Variants in PDLIM5 observed in about 807,000 individuals in gnomAD.
PDLIM5 encodes PDZ and LIM domain protein 5.
PDLIM5 carries 34 observed loss-of-function variants against 64.2 expected under a neutral mutation model. The observed-to-expected ratio is 0.53, with a 90% CI of 0.40 to 0.71. The LOEUF is 0.71. Ranked by LOEUF, PDLIM5 falls within the 30% of genes least tolerant of loss-of-function variation. The probability of loss-of-function intolerance (pLI) is 0.00; values close to 1 mark genes in which losing one functional copy is unlikely to be tolerated. For missense variants in PDLIM5, 683 were observed against 733.6 expected (o/e 0.93, Z 0.80); for synonymous variants, 253 against 269.1 (o/e 0.94, Z 0.59).
chr4:94,465,648 C>G (rs908018828), intron 2 of PDLIM5, among the ~76,000 whole-genome samples: 5 of 152,082 alleles, frequency 3.3e-5, no homozygotes, highest in Admixed American at 1.3e-4. Flanking sequence ...TGACTCCCGC[C>G]TCAGCTTATC....
At chr4:94,546,131 C>A (rs1205590185) in intron 3 of PDLIM5, among the ~76,000 whole-genome samples, 1 of 152,098 alleles carries the variant, frequency 6.6e-6, no homozygotes, top group South Asian at 2.1e-4. Flanking sequence ...TTTGTTTTGA[C>A]CATTTATGAT....
intron 7 of PDLIM5, among the ~76,000 whole-genome samples, chr4:94,597,868 G>A (rs1173859966): frequency 1.3e-5 from 2 of 152,258 alleles, no homozygotes; most frequent in South Asian, 4.1e-4. Context: ...GAAAAGCATG[G>A]CTAGTGAGCA....
chr4:94,650,815 C>G (rs868458143), intron 9 of PDLIM5, among the ~76,000 whole-genome samples: 5 of 151,660 alleles, frequency 3.3e-5, no homozygotes, highest in Admixed American at 6.6e-5. Flanking sequence ...TTCTTCCCCC[C>G]ACATGCCCCG....
At chr4:94,476,140 G>T (rs1725302890) in intron 2 of PDLIM5, among the ~76,000 whole-genome samples, 1 of 152,124 alleles carries the variant, frequency 6.6e-6, no homozygotes, top group South Asian at 2.1e-4. Flanking sequence ...GGATGCACTT[G>T]ATAATTTAGT....
chr4:94,540,118 A>G (rs942357392), intron 3 of PDLIM5, among the ~76,000 whole-genome samples: 1 of 149,900 alleles, frequency 6.7e-6, no homozygotes, highest in Non-Finnish European at 1.5e-5. Flanking sequence ...TGAGGCATAG[A>G]TGCTACTATT....
intron 8 of PDLIM5, among the ~76,000 whole-genome samples, chr4:94,627,120 C>A (rs1024110674): frequency 1.3e-5 from 2 of 152,124 alleles, no homozygotes; most frequent in Non-Finnish European, 2.9e-5. Flanking sequence ...TGTTTTATTG[C>A]CATCTGCTCC....
chr4:94,556,374 A>C (rs1387518049), intron 3 of PDLIM5, among the ~76,000 whole-genome samples: 1 of 152,136 alleles, frequency 6.6e-6, no homozygotes, highest in Non-Finnish European at 1.5e-5. Flanking sequence ...ATAGGTGTGC[A>C]TGTGTCTTTA....
intron 2 of PDLIM5, 23 bp downstream of exon 2, chr4:94,455,407 A>G (rs746380079): frequency 1.2e-5 from 17 of 1,427,080 alleles, no homozygotes; most frequent in African/African-American, 1.4e-5. Context: ...TACAAATTTT[A>G]TTATAGATGT....
intron 1 of PDLIM5, among the ~76,000 whole-genome samples, chr4:94,453,851 C>G (rs377703425): frequency 1.2e-4 from 19 of 152,258 alleles, no homozygotes; most frequent in African/African-American, 4.6e-4. Context: ...TACTTCATTA[C>G]TGAAGTAATG....
intron 3 of PDLIM5, among the ~76,000 whole-genome samples, chr4:94,530,854 C>T (rs1489963907): frequency 6.6e-6 from 1 of 152,096 alleles, no homozygotes; most frequent in Non-Finnish European, 1.5e-5. Flanking sequence ...AGCTGTTGTA[C>T]CAGACTGAAG....
intron 2 of PDLIM5, chr4:94,455,854 A>C: frequency 7.2e-7 from 1 of 1,385,924 alleles, no homozygotes; most frequent in Non-Finnish European, 9.9e-7. Context: ...CAACAGTAAG[A>C]TGGCCAAAAG....
intron 2 of PDLIM5, among the ~76,000 whole-genome samples, chr4:94,493,480 T>G (rs1343069494): frequency 6.6e-6 from 1 of 152,086 alleles, no homozygotes; most frequent in Non-Finnish European, 1.5e-5. Flanking sequence ...TTGGATAAAT[T>G]TTTAAAAATT....
chr4:94,493,945 C>T (rs920526531), intron 2 of PDLIM5, among the ~76,000 whole-genome samples: 3 of 152,040 alleles, frequency 2.0e-5, no homozygotes, highest in Admixed American at 1.3e-4. Context: ...ATACATGTTC[C>T]TCCTGTATTG....
intron 5 of PDLIM5, among the ~76,000 whole-genome samples, chr4:94,580,264 T>C (rs1222931150): frequency 6.6e-6 from 1 of 152,156 alleles, no homozygotes; most frequent in Admixed American, 6.5e-5. Flanking sequence ...ATTCTGAACG[T>C]GTACTAAAAG....
At chr4:94,551,873 G>A (rs17394030) in intron 3 of PDLIM5, among the ~76,000 whole-genome samples, 6,639 of 152,280 alleles carry the variant, frequency 0.044, 227 homozygotes, top group Non-Finnish European at 0.07. Context: ...ATGATATGGA[G>A]AAGTGGAAGA....
chr4:94,628,228 G>T (rs1224852340), intron 8 of PDLIM5, among the ~76,000 whole-genome samples: 1 of 152,174 alleles, frequency 6.6e-6, no homozygotes, highest in African/African-American at 2.4e-5. Context: ...CCCAGAACTA[G>T]GAGCCTATGT....
intron 7 of PDLIM5, among the ~76,000 whole-genome samples, chr4:94,594,499 C>T (rs553003484): frequency 6.6e-6 from 1 of 151,828 alleles, no homozygotes; most frequent in Non-Finnish European, 1.5e-5. Context: ...TTATCAGTAA[C>T]TATTAATAAT....
chr4:94,650,831 T>C (rs1303116541), intron 9 of PDLIM5, among the ~76,000 whole-genome samples: 1 of 149,484 alleles, frequency 6.7e-6, no homozygotes, highest in Non-Finnish European at 1.5e-5. Flanking sequence ...CCCCGCCTTT[T>C]TGGATAGGTC....
At chr4:94,564,695 TC>T (rs1734154510) in intron 3 of PDLIM5, among the ~76,000 whole-genome samples, 1 of 147,318 alleles carries the variant, frequency 6.8e-6, no homozygotes, top group African/African-American at 2.6e-5. Context: ...TTGCTTTGTC[TC>T]CCAGGCTGGA....
Sources: gnomAD v4.1 joint callset for allele counts (sites outside exome capture counted in the v4.1 genomes callset) on GRCh38, gnomAD v4.1.1 for gene constraint, MANE v1.5 for transcripts, NCBI Gene and HGNC (gene_info 2026-07-23, HGNC 2026-07-21) for gene names.